ATRNL1: variants seen among roughly 807,000 people sequenced by gnomAD.
ATRNL1 encodes attractin-like protein 1.
ATRNL1 carries 95 observed loss-of-function variants against 182.7 expected under a neutral mutation model. The observed-to-expected ratio is 0.52, with a 90% CI of 0.44 to 0.62. The LOEUF is 0.62. Among genes scored for constraint, ATRNL1 ranks in the 20% least tolerant of loss-of-function variants. The probability of loss-of-function intolerance (pLI) is 0.00; values close to 1 mark genes in which losing one functional copy is unlikely to be tolerated. For missense variants in ATRNL1, 1,471 were observed against 1,679.5 expected, an observed-to-expected ratio of 0.88 and a Z score of 2.17; for synonymous variants, 576 against 568.3, an observed-to-expected ratio of 1.01 and a Z score of -0.19.
chr10:115,788,065 A>G (rs1949438499), intron 27 of ATRNL1, among the ~76,000 whole-genome samples: 1 of 152,206 alleles, frequency 6.6e-6, no homozygotes, highest in Non-Finnish European at 1.5e-5. Context: ...TAATACAGGT[A>G]CGTAACATTT....
chr10:115,231,613 A>G (rs547685683), intron 9 of ATRNL1, among the ~76,000 whole-genome samples: 11 of 152,240 alleles, frequency 7.2e-5, no homozygotes, highest in Admixed American at 7.2e-4. Context: ...AAATAAAGGG[A>G]ATAATTTGCT....
At chr10:115,502,415 G>A (rs1554980305) in intron 24 of ATRNL1, among the ~76,000 whole-genome samples, 1 of 152,050 alleles carries the variant, frequency 6.6e-6, no homozygotes. Context: ...TGTAAAATAA[G>A]TTATTCATTC....
At chr10:115,575,794 A>G (rs1453678469) in intron 26 of ATRNL1, among the ~76,000 whole-genome samples, 1 of 152,038 alleles carries the variant, frequency 6.6e-6, no homozygotes, top group African/African-American at 2.4e-5. Context: ...TTTTCAATAT[A>G]CAATACAGTA....
At chr10:115,493,348 T>C (rs529900981) in intron 24 of ATRNL1, among the ~76,000 whole-genome samples, 1 of 152,314 alleles carries the variant, frequency 6.6e-6, no homozygotes, top group South Asian at 2.1e-4. Flanking sequence ...CACCTTCTCA[T>C]AAGTGAGAAC....
intron 21 of ATRNL1, among the ~76,000 whole-genome samples, chr10:115,460,231 C>T (rs782034257): frequency 2.0e-5 from 3 of 152,076 alleles, no homozygotes; most frequent in South Asian, 2.1e-4. Context: ...TTTCTGATAA[C>T]TTACAAATTG....
intron 8 of ATRNL1, among the ~76,000 whole-genome samples, chr10:115,187,900 T>G (rs1848011121): frequency 6.6e-6 from 1 of 151,894 alleles, no homozygotes; most frequent in Admixed American, 6.6e-5. Flanking sequence ...CAGGATGGTC[T>G]TGATCTCCTG....
At chr10:115,800,601 G>C in intron 27 of ATRNL1, among the ~76,000 whole-genome samples, 1 of 152,132 alleles carries the variant, frequency 6.6e-6, no homozygotes. Flanking sequence ...TGCACCAGAG[G>C]CTCCTACCAT....
intron 19 of ATRNL1, among the ~76,000 whole-genome samples, chr10:115,346,935 C>G (rs1437251823): frequency 6.6e-6 from 1 of 151,994 alleles, no homozygotes; most frequent in South Asian, 2.1e-4. Flanking sequence ...ATCTACAAAT[C>G]CATTGCCATA....
intron 19 of ATRNL1, among the ~76,000 whole-genome samples, chr10:115,354,150 C>T (rs1023824560): frequency 1.3e-5 from 2 of 152,008 alleles, no homozygotes; most frequent in Non-Finnish European, 2.9e-5. Flanking sequence ...TTTTTTAGCT[C>T]ATCCACTATC....
intron 28 of ATRNL1, among the ~76,000 whole-genome samples, chr10:115,859,949 A>G (rs1951274190): frequency 6.6e-6 from 1 of 152,160 alleles, no homozygotes; most frequent in Non-Finnish European, 1.5e-5. Context: ...AGAGTAATTC[A>G]TTTCCTTTTA....
intron 12 of ATRNL1, 57 bp from the exon 13 acceptor site, chr10:115,268,269 A>G: frequency 2.1e-6 from 2 of 970,108 alleles, no homozygotes; most frequent in Non-Finnish European, 3.3e-6. Context: ...ATTGTAAATT[A>G]AGAAGAGTAA....
intron 26 of ATRNL1, among the ~76,000 whole-genome samples, chr10:115,583,842 A>C (rs1226588633): frequency 6.0e-5 from 9 of 150,162 alleles, no homozygotes; most frequent in Admixed American, 6.6e-5. Context: ...TTTCAAAGGG[A>C]ATGCTTCCAG....
chr10:115,297,561 C>T (rs908918015), intron 15 of ATRNL1, among the ~76,000 whole-genome samples: 6 of 149,276 alleles, frequency 4.0e-5, no homozygotes, highest in African/African-American at 1.2e-4. Flanking sequence ...AGGAGAATGG[C>T]GTGAACCCAG....
At chr10:115,886,438 C>G (rs2134452542) in intron 28 of ATRNL1, among the ~76,000 whole-genome samples, 2 of 152,250 alleles carry the variant, frequency 1.3e-5, no homozygotes, top group Admixed American at 1.3e-4. Flanking sequence ...CGCTTGAACC[C>G]GTGAGGCGGA....
In ATRNL1 at chr10:115,828,322, AAAAAGAAAAG is replaced by A. The variant is rs375599574; in HGVS notation, c.3904-19536_3904-19527del. On this transcript the variant is annotated intron_variant, in intron 27 of 28. Transcript: ENST00000355044. ...ACAAGAGCAAAACTCCGTCTCAAAA[AAAAAGAAAAG>A]AAAAGAAAAGAAAAGAAACACCAAG... Among the ~76,000 whole-genome samples, 1,178 of 151,946 alleles carry A rather than the reference AAAAAGAAAAG, an allele frequency of 7.8e-3. 12 individuals carry two copies. Among genetic ancestry groups the A allele is most frequent in the African/African-American group, 0.026 (1,065 of 41,288 alleles).
chr10:115,720,321 G>A (rs1202361426), intron 26 of ATRNL1, among the ~76,000 whole-genome samples: 1 of 152,156 alleles, frequency 6.6e-6, no homozygotes, highest in East Asian at 1.9e-4. Flanking sequence ...GGAATGGATA[G>A]CATGGATATG....
At chr10:115,661,302 G>C (rs1473168194) in intron 26 of ATRNL1, among the ~76,000 whole-genome samples, 2 of 152,004 alleles carry the variant, frequency 1.3e-5, no homozygotes, top group Non-Finnish European at 2.9e-5. Flanking sequence ...TTTTTTAAAT[G>C]ATCCCTTTTG....
intron 28 of ATRNL1, among the ~76,000 whole-genome samples, chr10:115,937,463 A>G (rs1246357544): frequency 2.0e-5 from 3 of 152,204 alleles, no homozygotes; most frequent in Non-Finnish European, 2.9e-5. Context: ...TAACCTTTGG[A>G]GTTTTGCCTA....
intron 17 of ATRNL1, among the ~76,000 whole-genome samples, chr10:115,310,255 T>A (rs544196773): frequency 3.8e-4 from 58 of 152,320 alleles, no homozygotes; most frequent in Non-Finnish European, 7.1e-4. Flanking sequence ...GCTAGTATTT[T>A]GTTGAGGATT....
Sources: allele counts gnomAD v4.1 joint callset (sites outside exome capture counted in the v4.1 genomes callset), GRCh38; gene constraint gnomAD v4.1.1; transcripts MANE v1.5; gene names NCBI Gene and HGNC (gene_info 2026-07-23, HGNC 2026-07-21).